Variants in TRPM3 observed in about 807,000 individuals in gnomAD.
The protein encoded by TRPM3 is transient receptor potential cation channel subfamily M member 3.
A neutral mutation model predicts 181.2 loss-of-function variants in TRPM3; 77 were observed. That is an observed-to-expected ratio of 0.42 (90% CI 0.35 to 0.51). TRPM3 has a LOEUF of 0.51. TRPM3 is among the 20% of genes least tolerant of loss of function. TRPM3 has a pLI of 0.01. For synonymous variants in TRPM3, 745 were observed against 796.4 expected, an observed-to-expected ratio of 0.94 and a Z score of 1.09; for missense variants, 1,759 against 2,196.7, an observed-to-expected ratio of 0.80 and a Z score of 3.98.
chr9:71,414,214 A>T (rs1232104791), intron 1 of TRPM3, among the ~76,000 whole-genome samples: 5 of 152,124 alleles, frequency 3.3e-5, no homozygotes, highest in African/African-American at 1.2e-4. Flanking sequence ...AGATTATACC[A>T]TTTGAGGGCA....
At chr9:71,396,601 G>A (rs2132989809) in intron 1 of TRPM3, among the ~76,000 whole-genome samples, 1 of 151,694 alleles carries the variant, frequency 6.6e-6, no homozygotes, top group East Asian at 1.9e-4. Context: ...TCAGGAGAAA[G>A]ACGATTCTGA....
Position 70,591,170 on chromosome 9 carries a change from C to T in TRPM3, c.3084G>A (p.Leu1028=). 6.2e-7 allele frequency: 1 copy of T among 1,614,120 alleles called. No homozygotes were observed. Among genetic ancestry groups the T allele is most frequent in the Non-Finnish European group, 8.5e-7 (1 of 1,180,022 alleles). The change falls in exon 22 of 26, where the codon CTG becomes CTA. Residue 1028 remains leucine, a synonymous_variant. Coordinates refer to ENST00000677713, the MANE Select transcript of TRPM3 (RefSeq NM_001366145.2). Reference sequence around the variant, plus strand: ...CGACCCCAAAGCTCATCAGAACCACCAGCATAATGATGACAAAGTACATCA... The same window carrying T: ...CGACCCCAAAGCTCATCAGAACCACTAGCATAATGATGACAAAGTACATCA... ...IDMMYFVIIM[L]VVLMSFGVAR...
chr9:71,368,021 C>G (rs2092395170), intron 1 of TRPM3, among the ~76,000 whole-genome samples: 1 of 151,976 alleles, frequency 6.6e-6, no homozygotes, highest in Non-Finnish European at 1.5e-5. Flanking sequence ...TATGTGTACA[C>G]ACACACATAT....
At chr9:71,365,262 AT>A (rs1179488183) in intron 1 of TRPM3, among the ~76,000 whole-genome samples, 1 of 152,204 alleles carries the variant, frequency 6.6e-6, no homozygotes, top group Non-Finnish European at 1.5e-5. Flanking sequence ...ACATAATAGC[AT>A]GTTTTTGGTG....
rs1022321831 is a variant in TRPM3 at position 70,602,088 on chromosome 9, G to A, written c.2796+1254C>T. On this transcript the variant is annotated intron_variant, in intron 20 of 25. Transcript: ENST00000677713. Reference sequence around the variant, plus strand: ...AGACCGAAGTGCAGACAACCAGCTGGAACAAGGCAAGGCATTCCTTTTTTT... The same window carrying A: ...AGACCGAAGTGCAGACAACCAGCTGAAACAAGGCAAGGCATTCCTTTTTTT... Among the ~76,000 whole-genome samples, 7 of 149,868 alleles carry A rather than the reference G, an allele frequency of 4.7e-5. No individual in the cohort carries two copies. In the Admixed American group the frequency reaches 4.7e-4, roughly 10 times the overall value.
chr9:70,610,071 T>C (rs529467954), intron 19 of TRPM3, among the ~76,000 whole-genome samples: 1 of 152,358 alleles, frequency 6.6e-6, no homozygotes, highest in African/African-American at 2.4e-5. Flanking sequence ...TAGTTTTTGC[T>C]GCTGTGGTTT....
chr9:71,352,349 A>G (rs1352988254), intron 1 of TRPM3, among the ~76,000 whole-genome samples: 1 of 152,226 alleles, frequency 6.6e-6, no homozygotes, highest in African/African-American at 2.4e-5. Context: ...CAACTCAAAT[A>G]TAGTATAACT....
intron 1 of TRPM3, among the ~76,000 whole-genome samples, chr9:71,204,748 A>G (rs555391145): frequency 4.7e-4 from 72 of 152,330 alleles, no homozygotes; most frequent in Non-Finnish European, 8.8e-4. Context: ...ATGCTGCTAT[A>G]AAGACACATG....
intron 1 of TRPM3, among the ~76,000 whole-genome samples, chr9:71,110,461 G>A (rs1475952000): frequency 1.3e-5 from 2 of 152,212 alleles, no homozygotes; most frequent in African/African-American, 4.8e-5. Context: ...TGTATTGTCT[G>A]CGGCTGCTTT....
At chr9:70,775,992 TCAAGTATA>T (rs1475328594) in intron 7 of TRPM3, 1 of 153,890 alleles carries the variant, frequency 6.5e-6, no homozygotes, top group African/African-American at 2.4e-5. Context: ...TCAGCAATTT[TCAAGTATA>T]CAATATATTG....
chr9:71,093,961 T>A (rs776840395), intron 1 of TRPM3, among the ~76,000 whole-genome samples: 1 of 151,786 alleles, frequency 6.6e-6, no homozygotes, highest in Non-Finnish European at 1.5e-5. Context: ...CTGGAAGCCA[T>A]CAATCTCAGC....
At chr9:70,796,661 A>G (rs1333532813) in intron 6 of TRPM3, among the ~76,000 whole-genome samples, 2 of 152,252 alleles carry the variant, frequency 1.3e-5, no homozygotes, top group Non-Finnish European at 2.9e-5. Flanking sequence ...CCTTACATAT[A>G]GCTTTTGAAG....
rs1168008852 is a variant in TRPM3, at chr9:71,175,259, A to C, written c.183+271394T>G. Among the ~76,000 whole-genome samples the C allele has an allele frequency of 2.0e-5, 3 of 152,210 alleles. No individual in the cohort carries two copies. In the East Asian group the frequency reaches 5.8e-4, roughly 29 times the overall value. ...AGAAGTAAATGGCTTGTGGAGCTGCATTAATGGACAGACTGAATTTGTGTG... is the reference window on the plus strand; with the variant it reads ...AGAAGTAAATGGCTTGTGGAGCTGCCTTAATGGACAGACTGAATTTGTGTG... On this transcript the variant is annotated intron_variant, in intron 1 of 24. Coordinates refer to the TRPM3 transcript ENST00000357533.
At chr9:71,369,045 A>G (rs2092428615) in intron 1 of TRPM3, among the ~76,000 whole-genome samples, 1 of 152,210 alleles carries the variant, frequency 6.6e-6, no homozygotes, top group South Asian at 2.1e-4. Context: ...TCTTATATAC[A>G]TATATTGCAA....
At chr9:70,914,319 G>A (rs1453190448) in intron 1 of TRPM3, among the ~76,000 whole-genome samples, 3 of 152,172 alleles carry the variant, frequency 2.0e-5, no homozygotes, top group Admixed American at 2.0e-4. Context: ...GAACTTTCTG[G>A]CACTGTGATC....
chr9:70,899,958 T>TA (rs567181212), intron 1 of TRPM3, among the ~76,000 whole-genome samples: 30 of 152,290 alleles, frequency 2.0e-4, no homozygotes, highest in Middle Eastern at 3.4e-3. Context: ...AAAATATTTG[T>TA]AAAAAAATAT....
intron 1 of TRPM3, among the ~76,000 whole-genome samples, chr9:71,232,255 G>A (rs2081096413): frequency 6.6e-6 from 1 of 152,130 alleles, no homozygotes; most frequent in South Asian, 2.1e-4. Context: ...AAGTTAGTCT[G>A]ATCTGTGCTA....
chr9:70,858,226 T>G (rs2095435842), intron 3 of TRPM3, among the ~76,000 whole-genome samples: 1 of 152,124 alleles, frequency 6.6e-6, no homozygotes, highest in South Asian at 2.1e-4. Flanking sequence ...CAAGTATTCT[T>G]GTTAGAGGCA....
chr9:70,612,624 G>A (rs116233796), intron 18 of TRPM3, among the ~76,000 whole-genome samples: 1,960 of 152,252 alleles, frequency 0.013, 39 homozygotes, highest in African/African-American at 0.044. Context: ...GGCTGGAAAA[G>A]TCCCTTGGGT....
Sources: gnomAD v4.1 joint callset for allele counts (sites outside exome capture counted in the v4.1 genomes callset) on GRCh38, gnomAD v4.1.1 for gene constraint, MANE v1.5 for transcripts, NCBI Gene and HGNC (gene_info 2026-07-23, HGNC 2026-07-21) for gene names.